SKAP2: variants seen among roughly 807,000 people sequenced by gnomAD.
The protein encoded by SKAP2 is src kinase associated phosphoprotein 2, also known as src kinase-associated phosphoprotein 2.
In SKAP2, 28 loss-of-function variants were observed where a neutral mutation model predicts 54.9. That is an observed-to-expected ratio of 0.51 (90% CI 0.38 to 0.70). The LOEUF is 0.70. Ranked by LOEUF, SKAP2 falls within the 30% of genes least tolerant of loss-of-function variation. The pLI is 0.00. For missense variants in SKAP2, 356 were observed against 424.1 expected, an observed-to-expected ratio of 0.84 and a Z score of 1.41; for synonymous variants, 137 against 134.3, an observed-to-expected ratio of 1.02 and a Z score of -0.14.
chr7:26,738,731 G>T (rs996024519), intron 6 of SKAP2, 64 bp downstream of exon 6: 21 of 824,050 alleles, frequency 2.5e-5, no homozygotes, highest in African/African-American at 1.8e-4. Flanking sequence ...ACTCAAAAGA[G>T]GGGGAAGGGA....
At chr7:26,702,673 C>T (rs1177925406) in intron 9 of SKAP2, among the ~76,000 whole-genome samples, 1 of 152,140 alleles carries the variant, frequency 6.6e-6, no homozygotes, top group Non-Finnish European at 1.5e-5. Context: ...CTCCCTTGTG[C>T]TTAGTTTGCT....
intron 4 of SKAP2, among the ~76,000 whole-genome samples, chr7:26,823,722 G>T (rs1430572205): frequency 1.3e-5 from 2 of 152,208 alleles, no homozygotes; most frequent in East Asian, 3.8e-4. Context: ...CCTCATGGAT[G>T]ACTTTGAGGG....
chr7:26,850,430 A>G (rs1292489166), intron 3 of SKAP2, among the ~76,000 whole-genome samples: 1 of 151,820 alleles, frequency 6.6e-6, no homozygotes, highest in Non-Finnish European at 1.5e-5. Flanking sequence ...AAAATACAAT[A>G]CACAGGCAGC....
chr7:26,815,052 A>G (rs28617235), intron 4 of SKAP2, among the ~76,000 whole-genome samples: 32,173 of 151,850 alleles, frequency 0.21, 3,464 homozygotes, highest in Non-Finnish European at 0.24. Flanking sequence ...GTCATTAGAC[A>G]TAACAGTAAA....
chr7:26,708,514 G>A (rs748022562), intron 9 of SKAP2, among the ~76,000 whole-genome samples: 1 of 152,068 alleles, frequency 6.6e-6, no homozygotes, highest in Non-Finnish European at 1.5e-5. Flanking sequence ...GGTCTCTTCC[G>A]TATATACCAA....
the SKAP2 span, among the ~76,000 whole-genome samples, chr7:26,654,914 C>T: frequency 9.2e-5 from 14 of 152,110 alleles, no homozygotes; most frequent in Non-Finnish European, 1.8e-4. Context: ...TCAGAAGTGG[C>T]GACTACTAGT....
intron 9 of SKAP2, among the ~76,000 whole-genome samples, chr7:26,706,594 A>G (rs1169411901): frequency 6.6e-6 from 1 of 152,198 alleles, no homozygotes; most frequent in Admixed American, 6.5e-5. Flanking sequence ...CTGTTTCCAG[A>G]TGACAAGTTT....
At chr7:26,859,045 A>G (rs1328424221) in intron 1 of SKAP2, among the ~76,000 whole-genome samples, 2 of 151,966 alleles carry the variant, frequency 1.3e-5, no homozygotes, top group African/African-American at 2.4e-5. Flanking sequence ...GGGGAGGGGG[A>G]GGGCGCAAGA....
intron 4 of SKAP2, among the ~76,000 whole-genome samples, chr7:26,741,465 A>C (rs541387359): frequency 1.3e-5 from 2 of 150,960 alleles, no homozygotes; most frequent in Admixed American, 1.3e-4. Context: ...GGATCCCCCA[A>C]GAGGTCAAGG....
intron 4 of SKAP2, among the ~76,000 whole-genome samples, chr7:26,802,163 C>T (rs2127984996): frequency 6.6e-6 from 1 of 151,766 alleles, no homozygotes; most frequent in East Asian, 1.9e-4. Flanking sequence ...ACACATAGAC[C>T]AATGGAACAG....
At position 26,680,038 on chromosome 7, in the gene SKAP2, T is replaced by C. The variant is rs143053757; in HGVS notation, c.987+4698A>G. ...CTAGTCGCATATGCCCTAGACTAGA[T>C]AAAATATTCCAGAATTCTTAACTCT... On this transcript the variant is annotated intron_variant, in intron 11 of 12. Coordinates refer to ENST00000345317, the MANE Select transcript of SKAP2 (RefSeq NM_003930.5). Among the ~76,000 whole-genome samples the C allele has an allele frequency of 5.3e-5, 8 of 152,364 alleles. No individual in the cohort carries two copies. In the East Asian group the frequency reaches 1.5e-3, roughly 29 times the overall value.
At chr7:26,756,451 G>A (rs1035833515) in intron 4 of SKAP2, among the ~76,000 whole-genome samples, 1 of 152,156 alleles carries the variant, frequency 6.6e-6, no homozygotes, top group Non-Finnish European at 1.5e-5. Flanking sequence ...CCTTGTGATA[G>A]TTTGCTGAGA....
At chr7:26,774,894 C>T (rs1211529723) in intron 4 of SKAP2, among the ~76,000 whole-genome samples, 2 of 152,040 alleles carry the variant, frequency 1.3e-5, no homozygotes, top group Admixed American at 6.6e-5. Flanking sequence ...TTAACAAGCA[C>T]CTGATTTGTT....
At chr7:26,661,600 T>C in the SKAP2 span, among the ~76,000 whole-genome samples, 45 of 152,206 alleles carry the variant, frequency 3.0e-4, no homozygotes, top group Admixed American at 2.6e-3. Flanking sequence ...TTAACAGAAA[T>C]TGACCATAGC....
chr7:26,694,343 T>G (rs921375517), intron 9 of SKAP2, among the ~76,000 whole-genome samples: 1 of 152,274 alleles, frequency 6.6e-6, no homozygotes, highest in Admixed American at 6.5e-5. Flanking sequence ...ATTGCAAACC[T>G]GGAAGCTTCT....
chr7:26,673,733 T>C (rs972581588), intron 11 of SKAP2, among the ~76,000 whole-genome samples: 2 of 152,084 alleles, frequency 1.3e-5, no homozygotes, highest in Admixed American at 6.6e-5. Flanking sequence ...CTAACTCCCA[T>C]GTTTTCAATT....
At chr7:26,744,844 A>G (rs573346328) in intron 4 of SKAP2, among the ~76,000 whole-genome samples, 1 of 152,204 alleles carries the variant, frequency 6.6e-6, no homozygotes, top group Non-Finnish European at 1.5e-5. Context: ...CCAAAGTGCA[A>G]TGACTCAGAG....
intron 11 of SKAP2, among the ~76,000 whole-genome samples, chr7:26,679,865 T>C (rs1235485723): frequency 1.3e-5 from 2 of 152,148 alleles, no homozygotes; most frequent in African/African-American, 4.8e-5. Context: ...CTGGAAAAAG[T>C]CAACCAAACA....
intron 4 of SKAP2, among the ~76,000 whole-genome samples, chr7:26,753,646 GA>G (rs1562597928): frequency 6.6e-6 from 1 of 152,154 alleles, no homozygotes; most frequent in African/African-American, 2.4e-5. Flanking sequence ...GAGAGAGAAA[GA>G]GAGGCTGTCA....
Sources: gnomAD v4.1 joint callset for allele counts (sites outside exome capture counted in the v4.1 genomes callset) on GRCh38, gnomAD v4.1.1 for gene constraint, MANE v1.5 for transcripts, NCBI Gene and HGNC (gene_info 2026-07-23, HGNC 2026-07-21) for gene names.